NDUFAF7: variants seen among roughly 807,000 people sequenced by gnomAD.
The protein encoded by NDUFAF7 is NADH:ubiquinone oxidoreductase complex assembly factor 7, also known as protein arginine methyltransferase NDUFAF7, mitochondrial.
Under a neutral mutation model 47.2 loss-of-function variants are expected in NDUFAF7, and 48 were observed. The observed-to-expected ratio is 1.02, with a 90% CI of 0.81 to 1.29. The LOEUF is 1.29. NDUFAF7 is among the 50% of genes most tolerant of loss of function. NDUFAF7 has a pLI of 0.00. For synonymous variants in NDUFAF7, 217 were observed against 190.0 expected, an observed-to-expected ratio of 1.14 and a Z score of -1.17; for missense variants, 635 against 537.6, an observed-to-expected ratio of 1.18 and a Z score of -1.79.
intron 2 of NDUFAF7, among the ~76,000 whole-genome samples, chr2:37,234,964 T>C (rs930377534): frequency 2.0e-4 from 30 of 152,336 alleles, no homozygotes; most frequent in African/African-American, 6.3e-4. Flanking sequence ...AAGAAATATT[T>C]AACTCAATTC....
chr2:37,260,417 T>G, the NDUFAF7 span: 2 of 1,568,486 alleles, frequency 1.3e-6, no homozygotes, highest in South Asian at 1.1e-5. Flanking sequence ...ATGAGCAACT[T>G]AAGCAGAGAA....
chr2:37,267,658 T>C, the NDUFAF7 span: 1 of 743,720 alleles, frequency 1.3e-6, no homozygotes. Flanking sequence ...ATTTTTGTTC[T>C]TTCTCCACAC....
chr2:37,267,072 A>G, the NDUFAF7 span, among the ~76,000 whole-genome samples: 5 of 152,192 alleles, frequency 3.3e-5, no homozygotes, highest in Non-Finnish European at 5.9e-5. Flanking sequence ...AGTGCTGTTA[A>G]AAGGTACATA....
downstream of NDUFAF7, chr2:37,256,681 C>A: frequency 1.7e-6 from 2 of 1,159,718 alleles, no homozygotes; most frequent in Non-Finnish European, 2.4e-6. Context: ...AAATTTCTCT[C>A]CATGGATTTG....
chr2:37,259,496 A>G, the NDUFAF7 span: 1 of 969,910 alleles, frequency 1.0e-6, no homozygotes, highest in East Asian at 2.6e-5. Flanking sequence ...ATTTTTAACC[A>G]ACAGTACTTA....
chr2:37,255,515 C>G (rs917512155), downstream of NDUFAF7, among the ~76,000 whole-genome samples: 2 of 152,100 alleles, frequency 1.3e-5, no homozygotes, highest in Non-Finnish European at 2.9e-5. Context: ...ATTCAAAAGC[C>G]TTCACTAGGC....
Position 37,231,734 on chromosome 2 carries a change from G to A in NDUFAF7, c.29G>A (p.Gly10Glu), listed in dbSNP as rs1179082373. The change falls in exon 1 of 10, where the codon GGG becomes GAG. Residue 10 changes from glycine (G) to glutamate (E), a missense_variant. Gly to Glu is a moderately conservative substitution (Grantham distance 98). Coordinates refer to ENST00000002125, the MANE Select transcript of NDUFAF7 (RefSeq NM_144736.5). Reference sequence around the variant, plus strand: ...AGTGTACTGCTGAGGTCAGGTTTGGGGCCGTTGTGTGCCGTGGCGCGCGCA... The same window carrying A: ...AGTGTACTGCTGAGGTCAGGTTTGGAGCCGTTGTGTGCCGTGGCGCGCGCA... MSVLLRSGL[G>E]PLCAVARAAI... 7.4e-6 allele frequency: 12 copies of A among 1,614,082 alleles called. No individual in the cohort carries two copies. The highest frequency in any genetic ancestry group is 9.3e-6 in the Non-Finnish European group (11 of 1,180,036).
downstream of NDUFAF7, among the ~76,000 whole-genome samples, chr2:37,256,133 T>C (rs1171565551): frequency 6.6e-6 from 1 of 152,196 alleles, no homozygotes; most frequent in East Asian, 1.9e-4. Context: ...CCTCGAATTT[T>C]AATAGGAAGG....
At position 37,237,850 on chromosome 2, in the gene NDUFAF7, G is replaced by A. The variant is rs1475775506; in HGVS notation, c.391G>A (p.Val131Met). Residue 131 changes from valine (V) to methionine (M), a missense_variant, in exon 4 of 10, where the codon GTG becomes ATG. Transcript: ENST00000002125. Reference protein sequence around the residue: ...VELGPGRGTLVGDILRVFTQL... With the variant: ...VELGPGRGTLMGDILRVFTQL... ...ACTGGGCCCAGGTAGGGGAACCCTC[G>A]TGGGAGATATTTTGAGGGTAGGTAA... The A allele has an allele frequency of 2.5e-6, 4 of 1,608,494 alleles. No individual in the cohort carries two copies. Among genetic ancestry groups the A allele is most frequent in the Admixed American group, 1.7e-5 (1 of 59,970 alleles).
At chr2:37,256,777 G>A, downstream of NDUFAF7, 1 of 1,613,472 alleles carries the variant, frequency 6.2e-7, no homozygotes, top group Non-Finnish European at 8.5e-7. Context: ...GGCTCACATA[G>A]ATGATAACTC....
chr2:37,253,125 A>G, downstream of NDUFAF7: 1 of 1,510,606 alleles, frequency 6.6e-7, no homozygotes, highest in South Asian at 1.2e-5. Context: ...GTTACACAGC[A>G]AAATATCAGT....
In NDUFAF7 at chr2:37,243,936, T is replaced by C. The variant is rs763833625; in HGVS notation, c.755T>C (p.Leu252Ser). The change falls in exon 7 of 10, where the codon TTG (leucine) becomes TCG (serine). Residue 252 changes from leucine to serine, a missense_variant. Coordinates refer to ENST00000002125, the MANE Select transcript of NDUFAF7 (RefSeq NM_144736.5). ...PQVSDKLRFV[L>S]APSATPAEAF... ...GTTTCTGATAAACTGAGGTTTGTTT[T>C]GGCACCTTCTGCCACCCCAGCAGAA... 1.2e-6 allele frequency: 2 copies of C among 1,614,016 alleles called. No homozygotes were observed. Among genetic ancestry groups the C allele is most frequent in the Admixed American group, 3.3e-5 (2 of 59,982 alleles).
chr2:37,258,599 T>TA, the NDUFAF7 span, among the ~76,000 whole-genome samples: 3 of 152,242 alleles, frequency 2.0e-5, no homozygotes, highest in Non-Finnish European at 4.4e-5. Context: ...TTTTGTCTAC[T>TA]ATTTTGAAGA....
intron 4 of NDUFAF7, among the ~76,000 whole-genome samples, chr2:37,240,941 G>A (rs1041702305): frequency 2.6e-5 from 4 of 152,130 alleles, no homozygotes; most frequent in Non-Finnish European, 5.9e-5. Flanking sequence ...TATCTCAAAA[G>A]TATTAATTGG....
At chr2:37,271,133 A>G in the NDUFAF7 span, among the ~76,000 whole-genome samples, 158 of 152,338 alleles carry the variant, frequency 1.0e-3, no homozygotes, top group Non-Finnish European at 1.0e-3. Flanking sequence ...TTAGAGAACT[A>G]TAACAGCTAA....
chr2:37,258,216 T>C (rs1251143024), downstream of NDUFAF7, among the ~76,000 whole-genome samples: 2 of 152,250 alleles, frequency 1.3e-5, no homozygotes, highest in Admixed American at 6.5e-5. Flanking sequence ...AGTGAAGTTA[T>C]CAAATGCTGC....
the NDUFAF7 span, among the ~76,000 whole-genome samples, chr2:37,258,444 G>C: frequency 2.0e-5 from 3 of 152,192 alleles, no homozygotes; most frequent in African/African-American, 7.2e-5. Flanking sequence ...GATTAAAGAA[G>C]TGGAGCCATG....
chr2:37,257,676 A>G (rs1311247591), downstream of NDUFAF7, among the ~76,000 whole-genome samples: 2 of 121,390 alleles, frequency 1.6e-5, no homozygotes, highest in Non-Finnish European at 3.2e-5. Flanking sequence ...CAAAAGAAAA[A>G]AAAAAAAAAA....
At chr2:37,258,709 CAT>C in the NDUFAF7 span, among the ~76,000 whole-genome samples, 1 of 152,290 alleles carries the variant, frequency 6.6e-6, no homozygotes, top group East Asian at 1.9e-4. Flanking sequence ...CTTTTAACCA[CAT>C]AAACATAAAA....
Sources: allele counts gnomAD v4.1 joint callset (sites outside exome capture counted in the v4.1 genomes callset), GRCh38; gene constraint gnomAD v4.1.1; transcripts MANE v1.5; gene names NCBI Gene and HGNC (gene_info 2026-07-23, HGNC 2026-07-21).